PSD3: variants seen among roughly 807,000 people sequenced by gnomAD.
PSD3 encodes the protein PH and SEC7 domain-containing protein 3.
Under a neutral mutation model 105.5 loss-of-function variants are expected in PSD3, and 49 were observed. The ratio of observed to expected loss-of-function variants is 0.46; its 90% CI spans 0.37 to 0.59. The LOEUF (loss-of-function observed/expected upper bound fraction) is 0.59. PSD3 is among the 20% of genes least tolerant of loss of function. PSD3 has a pLI of 0.00. For synonymous variants in PSD3, 557 were observed against 457.8 expected, an observed-to-expected ratio of 1.22 and a Z score of -2.77; for missense variants, 1,561 against 1,263.8, an observed-to-expected ratio of 1.24 and a Z score of -3.57.
intron 9 of PSD3, among the ~76,000 whole-genome samples, chr8:18,682,574 C>T (rs574551729): frequency 1.3e-5 from 2 of 152,014 alleles, no homozygotes; most frequent in Admixed American, 1.3e-4. Context: ...AGTAAAAAGC[C>T]AGATTTGAAG....
chr8:18,566,996 G>A (rs901710074), intron 14 of PSD3, among the ~76,000 whole-genome samples: 1 of 152,118 alleles, frequency 6.6e-6, no homozygotes. Flanking sequence ...CTAGTATACA[G>A]TCCCTAAATA....
At chr8:18,874,077 C>G (rs1320641461) in intron 2 of PSD3, among the ~76,000 whole-genome samples, 1 of 152,106 alleles carries the variant, frequency 6.6e-6, no homozygotes. Context: ...ATCATGAAAA[C>G]CCTCATCTAT....
chr8:18,569,463 GACAA>G (rs1466484479), intron 14 of PSD3, among the ~76,000 whole-genome samples: 2 of 150,036 alleles, frequency 1.3e-5, no homozygotes, highest in African/African-American at 4.9e-5. Flanking sequence ...ACCAACAACA[GACAA>G]ACAGAGAGCC....
At chr8:19,028,633 C>T (rs1057258226) in intron 1 of PSD3, among the ~76,000 whole-genome samples, 1 of 152,150 alleles carries the variant, frequency 6.6e-6, no homozygotes, top group African/African-American at 2.4e-5. Context: ...TTCTCCCTGG[C>T]TTTGGCTTGC....
intron 3 of PSD3, among the ~76,000 whole-genome samples, chr8:18,869,508 G>A (rs186743551): frequency 6.6e-6 from 1 of 152,248 alleles, no homozygotes; most frequent in Non-Finnish European, 1.5e-5. Flanking sequence ...TAGCCACACA[G>A]GGAGAGTTTC....
At chr8:18,917,313 C>T (rs556646281) in intron 2 of PSD3, among the ~76,000 whole-genome samples, 1 of 152,186 alleles carries the variant, frequency 6.6e-6, no homozygotes, top group East Asian at 1.9e-4. Context: ...ACTGATAGAA[C>T]CCCTCCATTT....
chr8:18,797,674 C>T (rs928517509), intron 8 of PSD3, among the ~76,000 whole-genome samples: 3 of 152,092 alleles, frequency 2.0e-5, no homozygotes, highest in Non-Finnish European at 4.4e-5. Context: ...GCTATATTAG[C>T]TTTTTAAAAA....
chr8:18,801,354 C>G lies in PSD3; in HGVS notation c.1939G>C (p.Gly647Arg). The G allele has an allele frequency of 6.2e-7, 1 of 1,604,798 alleles. No homozygotes were observed. Among genetic ancestry groups the G allele is most frequent in the Non-Finnish European group, 8.5e-7 (1 of 1,174,058 alleles). The change falls in exon 7 of 16, where the codon GGA becomes CGA. Residue 647 changes from glycine (G) to arginine (R), a missense_variant. Coordinates refer to ENST00000327040, the MANE Select transcript of PSD3 (RefSeq NM_015310.4). ...RYFFKAFSLV[G>R]ETQERERVLI... is the part of the protein sequence containing the mutation. ...ACTCTCTCTCGTTCTTGAGTTTCTC[C>G]CACAAGAGAGAATGCTTTAAAGAAA... is the stretch of plus-strand genomic sequence containing the variant.
intron 1 of PSD3, among the ~76,000 whole-genome samples, chr8:18,980,816 C>T (rs1385814630): frequency 6.6e-6 from 1 of 152,168 alleles, no homozygotes; most frequent in East Asian, 1.9e-4. Flanking sequence ...ATACTATTTA[C>T]ACCCTTCACC....
chr8:18,935,829 T>A (rs1327954926), intron 2 of PSD3, among the ~76,000 whole-genome samples: 1 of 152,142 alleles, frequency 6.6e-6, no homozygotes, highest in Non-Finnish European at 1.5e-5. Context: ...ACCAAGAACA[T>A]GACTTGAAAT....
chr8:18,736,350 T>C (rs761725248), intron 9 of PSD3, among the ~76,000 whole-genome samples: 3 of 152,122 alleles, frequency 2.0e-5, no homozygotes, highest in Non-Finnish European at 4.4e-5. Flanking sequence ...ACTGAAAGAA[T>C]CAAATGTGTT....
At chr8:18,804,340 A>G (rs1727490577) in intron 6 of PSD3, 182 bp downstream of exon 6, 1 of 555,844 alleles carries the variant, frequency 1.8e-6, no homozygotes. Context: ...AAACATCTCT[A>G]AACCTGACAA....
At chr8:18,865,957 G>A (rs923731) in intron 4 of PSD3, among the ~76,000 whole-genome samples, 92,252 of 152,016 alleles carry the variant, frequency 0.61, 28,286 homozygotes, top group East Asian at 0.84. Context: ...TGCACAAGCC[G>A]CACATTTAAT....
intron 4 of PSD3, among the ~76,000 whole-genome samples, chr8:18,836,306 A>T (rs868741468): frequency 1.3e-5 from 2 of 152,216 alleles, no homozygotes; most frequent in Non-Finnish European, 2.9e-5. Context: ...AGTTATCTCA[A>T]ATATCATCAA....
At chr8:19,076,634 A>G (rs1424796722) in intron 1 of PSD3, among the ~76,000 whole-genome samples, 3 of 152,234 alleles carry the variant, frequency 2.0e-5, no homozygotes, top group African/African-American at 4.8e-5. Context: ...ACAGAAACAC[A>G]GTGAATATGA....
At chr8:19,007,084 G>GT (rs2129475010) in intron 1 of PSD3, among the ~76,000 whole-genome samples, 1 of 152,024 alleles carries the variant, frequency 6.6e-6, no homozygotes, top group African/African-American at 2.4e-5. Context: ...GCGAAACCCC[G>GT]TATCTACTAA....
At chr8:18,920,255 T>C (rs976483573) in intron 2 of PSD3, among the ~76,000 whole-genome samples, 1 of 152,218 alleles carries the variant, frequency 6.6e-6, no homozygotes, top group Non-Finnish European at 1.5e-5. Context: ...TTTATTATCC[T>C]ACAGTGAAAT....
chr8:18,637,367 G>A (rs141122644), intron 10 of PSD3, among the ~76,000 whole-genome samples: 1 of 152,184 alleles, frequency 6.6e-6, no homozygotes, highest in African/African-American at 2.4e-5. Context: ...TTCTTGTGAT[G>A]TTCAGATTTA....
In PSD3 at chr8:18,582,287, G is replaced by A. The variant is rs28491267; in HGVS notation, c.2482-7002C>T. Among the ~76,000 whole-genome samples the A allele has an allele frequency of 3.2e-3, 490 of 152,168 alleles. 4 individuals are homozygous for A. The highest frequency in any genetic ancestry group is 0.011 in the African/African-American group (461 of 41,520). Reference sequence around the variant, plus strand: ...ACCACTGCACTGAAACTGCTTTATCGATAATTTCCTACTTGCTGAATTGAC... The same window carrying A: ...ACCACTGCACTGAAACTGCTTTATCAATAATTTCCTACTTGCTGAATTGAC... On this transcript the variant is annotated intron_variant, in intron 12 of 15. Coordinates refer to ENST00000327040, the MANE Select transcript of PSD3 (RefSeq NM_015310.4).
Sources: gnomAD v4.1 joint callset for allele counts (sites outside exome capture counted in the v4.1 genomes callset) on GRCh38, gnomAD v4.1.1 for gene constraint, MANE v1.5 for transcripts, NCBI Gene and HGNC (gene_info 2026-07-23, HGNC 2026-07-21) for gene names.